The following GALNT17 variants were observed in gnomAD, a reference collection of about 807,000 sequenced individuals.
The protein encoded by GALNT17 is UDP-GalNAc:polypeptide N-acetylgalactosaminyltransferase-like 3.
GALNT17 carries 29 observed loss-of-function variants against 63.7 expected under a neutral mutation model. That is an observed-to-expected ratio of 0.46 (90% CI 0.34 to 0.62). The LOEUF (loss-of-function observed/expected upper bound fraction) is 0.62. GALNT17 is among the 20% of genes least tolerant of loss of function. The pLI is 0.01. For synonymous variants in GALNT17, 305 were observed against 318.3 expected, an observed-to-expected ratio of 0.96 and a Z score of 0.45; for missense variants, 603 against 799.6, an observed-to-expected ratio of 0.75 and a Z score of 2.97.
intron 1 of GALNT17, among the ~76,000 whole-genome samples, chr7:71,292,686 T>A (rs1791004485): frequency 6.6e-6 from 1 of 151,102 alleles, no homozygotes; most frequent in African/African-American, 2.4e-5. Flanking sequence ...TGTGTGTGTG[T>A]GTGTGTGTGT....
intron 2 of GALNT17, among the ~76,000 whole-genome samples, chr7:71,370,085 T>C (rs1792593632): frequency 6.6e-6 from 1 of 152,180 alleles, no homozygotes; most frequent in African/African-American, 2.4e-5. Flanking sequence ...AGTTAGAGAG[T>C]TCGGCTTCTT....
rs111444039 is a variant in GALNT17, at chr7:71,587,285, C to T, written c.1080+15883C>T. Among the ~76,000 whole-genome samples the T allele has an allele frequency of 9.7e-3, 1,483 of 152,278 alleles. 20 individuals carry two copies. Among genetic ancestry groups the T allele is most frequent in the African/African-American group, 0.033 (1,387 of 41,556 alleles). On this transcript the variant is annotated intron_variant, in intron 6 of 10. Coordinates refer to ENST00000333538, the MANE Select transcript of GALNT17 (RefSeq NM_022479.3). ...TCAAGTGATCCGCCTGCCTCAGCCTCCAAAAGTGCTGAAATAACAGGTGTG... is the reference window on the plus strand; with the variant it reads ...TCAAGTGATCCGCCTGCCTCAGCCTTCAAAAGTGCTGAAATAACAGGTGTG...
intron 1 of GALNT17, among the ~76,000 whole-genome samples, chr7:71,309,224 A>G (rs1791367721): frequency 1.3e-5 from 2 of 151,146 alleles, no homozygotes; most frequent in South Asian, 2.1e-4. Flanking sequence ...TCTCTTTCCT[A>G]CTCAAAACCT....
intron 1 of GALNT17, among the ~76,000 whole-genome samples, chr7:71,253,531 T>C (rs78531295): frequency 1.3e-5 from 2 of 151,554 alleles, no homozygotes; most frequent in South Asian, 4.2e-4. Context: ...TTTTTTTTTT[T>C]CCTTCGTCTC....
chr7:71,271,282 A>T (rs66516554), intron 1 of GALNT17, among the ~76,000 whole-genome samples: 1 of 152,080 alleles, frequency 6.6e-6, no homozygotes, highest in Non-Finnish European at 1.5e-5. Context: ...CGCGCCTTCC[A>T]GTGCAAGAAA....
intron 2 of GALNT17, among the ~76,000 whole-genome samples, chr7:71,367,504 G>C (rs1471965361): frequency 6.6e-6 from 1 of 152,134 alleles, no homozygotes; most frequent in Admixed American, 6.5e-5. Flanking sequence ...CATGTTTGTT[G>C]GTGGTTTCCA....
At chr7:71,489,989 T>G (rs2116669722) in intron 5 of GALNT17, among the ~76,000 whole-genome samples, 1 of 151,992 alleles carries the variant, frequency 6.6e-6, no homozygotes, top group East Asian at 1.9e-4. Context: ...TGAGACTCCA[T>G]CTCTACTACT....
chr7:71,521,374 T>C (rs1004978527), intron 5 of GALNT17, among the ~76,000 whole-genome samples: 2 of 152,176 alleles, frequency 1.3e-5, no homozygotes, highest in African/African-American at 4.8e-5. Flanking sequence ...ACCACCTCCT[T>C]TCCCAGCAGG....
intron 6 of GALNT17, among the ~76,000 whole-genome samples, chr7:71,652,559 G>A (rs1790768917): frequency 1.3e-5 from 2 of 152,166 alleles, no homozygotes; most frequent in Admixed American, 1.3e-4. Flanking sequence ...TTGGTAGGAT[G>A]CGAGTAACAA....
intron 1 of GALNT17, among the ~76,000 whole-genome samples, chr7:71,273,371 C>G (rs2115708946): frequency 6.6e-6 from 1 of 152,292 alleles, no homozygotes; most frequent in South Asian, 2.1e-4. Flanking sequence ...TGTTTCACTG[C>G]TCAATGCTAT....
At chr7:71,172,107 T>C (rs1433974676) in intron 1 of GALNT17, among the ~76,000 whole-genome samples, 1 of 152,036 alleles carries the variant, frequency 6.6e-6, no homozygotes, top group Admixed American at 6.6e-5. Context: ...AAACAGAATA[T>C]ATGAAGAATA....
intron 1 of GALNT17, among the ~76,000 whole-genome samples, chr7:71,218,554 G>T (rs1465592550): frequency 6.6e-6 from 1 of 152,062 alleles, no homozygotes; most frequent in Non-Finnish European, 1.5e-5. Flanking sequence ...TGACACAGGG[G>T]TCCCCAACCC....
chr7:71,139,019 C>T (rs1212190811), intron 1 of GALNT17, among the ~76,000 whole-genome samples: 4 of 152,130 alleles, frequency 2.6e-5, no homozygotes, highest in Admixed American at 6.6e-5. Flanking sequence ...TAGAGACAGA[C>T]GGATTTCTTG....
intron 1 of GALNT17, among the ~76,000 whole-genome samples, chr7:71,260,217 C>T (rs1263229775): frequency 6.6e-6 from 1 of 152,130 alleles, no homozygotes; most frequent in African/African-American, 2.4e-5. Flanking sequence ...GCAGAAACAT[C>T]ATAGATATTG....
chr7:71,327,203 G>A (rs1242500617), intron 1 of GALNT17, among the ~76,000 whole-genome samples: 1 of 152,146 alleles, frequency 6.6e-6, no homozygotes, highest in African/African-American at 2.4e-5. Flanking sequence ...TAGTACATCA[G>A]TCCCTTTTCA....
chr7:71,302,852 A>T (rs75623016), intron 1 of GALNT17, among the ~76,000 whole-genome samples: 1 of 152,128 alleles, frequency 6.6e-6, no homozygotes, highest in African/African-American at 2.4e-5. Context: ...GGATTAGGCG[A>T]GTCATATATG....
At position 71,201,239 on chromosome 7, in the gene GALNT17, T is replaced by TATATATATATA. The variant is rs1554338078; in HGVS notation, c.238+68199_238+68200insATATATATATA. ...TTTGTATGGGGGTGTGTGTGTTTAT[T>TATATATATATA]TTTATATATATATATATAATTTGTG... On this transcript the variant is annotated intron_variant, in intron 1 of 10. Transcript: ENST00000333538. Among the ~76,000 whole-genome samples the TATATATATATA allele has an allele frequency of 1.0e-3, 104 of 101,620 alleles. 2 individuals carry two copies. Among genetic ancestry groups the TATATATATATA allele is most frequent in the African/African-American group, 3.9e-3 (101 of 26,212 alleles). 66.7% of individuals were successfully genotyped at this position (101,620 alleles called of 152,430 possible). A position where few individuals can be genotyped will look rare whatever the true frequency, so the allele number is the denominator to read the frequency against.
At chr7:71,192,968 T>TTAATAGCC (rs200260791) in intron 1 of GALNT17, among the ~76,000 whole-genome samples, 3,060 of 152,290 alleles carry the variant, frequency 0.02, 34 homozygotes, top group Middle Eastern at 0.041. Flanking sequence ...TCTCAGGCAC[T>TTAATAGCC]TAATAGCCTC....
intron 6 of GALNT17, among the ~76,000 whole-genome samples, chr7:71,604,800 T>A (rs926564217): frequency 3.9e-5 from 6 of 152,196 alleles, no homozygotes; most frequent in African/African-American, 1.4e-4. Flanking sequence ...TTCAGAGTCT[T>A]CTACAGGGTA....
Sources: allele counts gnomAD v4.1 joint callset (sites outside exome capture counted in the v4.1 genomes callset), GRCh38; gene constraint gnomAD v4.1.1; transcripts MANE v1.5; gene names NCBI Gene and HGNC (gene_info 2026-07-23, HGNC 2026-07-21).